PTGR1: variants seen among roughly 807,000 people sequenced by gnomAD.
PTGR1 encodes 15-oxoprostaglandin 13-reductase.
In PTGR1, 23 loss-of-function variants were observed where a neutral mutation model predicts 37.7. The observed-to-expected ratio is 0.61, with a 90% CI of 0.44 to 0.86. PTGR1 has a LOEUF of 0.86. Ranked by LOEUF, PTGR1 falls within the 40% of genes least tolerant of loss-of-function variation. The pLI, the probability that PTGR1 is intolerant of heterozygous loss-of-function variation, is 0.00. For synonymous variants in PTGR1, 134 were observed against 140.0 expected (o/e 0.96, Z 0.30); for missense variants, 351 against 394.3 (o/e 0.89, Z 0.93).
intron 9 of PTGR1, among the ~76,000 whole-genome samples, chr9:111,556,915 G>T (rs1391142625): frequency 6.6e-6 from 1 of 152,210 alleles, no homozygotes; most frequent in Non-Finnish European, 1.5e-5. Context: ...GATAGCCGTG[G>T]CTGGAGCTGG....
At chr9:111,596,412 C>G (rs1829781370) in intron 2 of PTGR1, among the ~76,000 whole-genome samples, 1 of 151,734 alleles carries the variant, frequency 6.6e-6, no homozygotes. Context: ...GTCAGGAGTT[C>G]AAGACCAGCC....
At chr9:111,569,625 C>T (rs777050960) in intron 9 of PTGR1, among the ~76,000 whole-genome samples, 1 of 152,092 alleles carries the variant, frequency 6.6e-6, no homozygotes, top group Non-Finnish European at 1.5e-5. Flanking sequence ...GTTAGCTGGG[C>T]GTGGTGGTAC....
At chr9:111,590,891 C>G (rs988436457) in intron 4 of PTGR1, among the ~76,000 whole-genome samples, 2 of 152,106 alleles carry the variant, frequency 1.3e-5, no homozygotes, top group Non-Finnish European at 2.9e-5. Context: ...TTAAAAATAA[C>G]TTGCAGCTAT....
At chr9:111,583,145 T>C (rs1337276620) in intron 6 of PTGR1, among the ~76,000 whole-genome samples, 1 of 152,258 alleles carries the variant, frequency 6.6e-6, no homozygotes, top group African/African-American at 2.4e-5. Flanking sequence ...AAGTCCCTTC[T>C]TCTATTGCTA....
At chr9:111,558,381 G>T (rs946904596), downstream of PTGR1, among the ~76,000 whole-genome samples, 47 of 151,822 alleles carry the variant, frequency 3.1e-4, 1 homozygote, top group African/African-American at 1.1e-3. Context: ...TTGATTTATG[G>T]TATAAGATGC....
At chr9:111,597,542 A>G (rs1248297372) in intron 1 of PTGR1, 110 bp from the exon 2 acceptor site, 20 of 643,774 alleles carry the variant, frequency 3.1e-5, no homozygotes, top group Non-Finnish European at 2.7e-6. Context: ...CTCAAATCCC[A>G]TCATTATCAT....
At chr9:111,560,082 A>G (rs1828230095), downstream of PTGR1, among the ~76,000 whole-genome samples, 1 of 150,198 alleles carries the variant, frequency 6.7e-6, no homozygotes, top group Non-Finnish European at 1.5e-5. Flanking sequence ...ATGCCTCCCA[A>G]AGTGCCTCAT....
chr9:111,560,552 A>G (rs1375210307), downstream of PTGR1, among the ~76,000 whole-genome samples: 1 of 145,436 alleles, frequency 6.9e-6, no homozygotes, highest in Non-Finnish European at 1.5e-5. Flanking sequence ...GAGGCAGGAG[A>G]ATTGCTTGAA....
intron 4 of PTGR1, among the ~76,000 whole-genome samples, chr9:111,586,646 A>C: frequency 6.6e-6 from 1 of 150,958 alleles, no homozygotes; most frequent in African/African-American, 2.4e-5. Context: ...TTTCAGCCAA[A>C]CTTCTTCACT....
intron 6 of PTGR1, among the ~76,000 whole-genome samples, chr9:111,582,874 G>T (rs1002715866): frequency 6.6e-6 from 1 of 152,220 alleles, no homozygotes; most frequent in African/African-American, 2.4e-5. Context: ...GATCAGTTGA[G>T]CCAGATCACC....
At position 111,594,226 on chromosome 9, in the gene PTGR1, T is replaced by C. The variant is rs1829708466; in HGVS notation, c.148A>G (p.Met50Val). ...GAGGGGCGAAATAAATAATACCTCATGTAGGGATCCACGGTGAGGAACAAA... is the reference window on the plus strand; with the variant it reads ...GAGGGGCGAAATAAATAATACCTCACGTAGGGATCCACGGTGAGGAACAAA... ...EALFLTVDPYMRVAAKRLKEG... is the reference protein window; with the variant it reads ...EALFLTVDPYVRVAAKRLKEG... Residue 50 changes from methionine to valine, a missense_variant, in exon 3 of 10, where the codon ATG becomes GTG. Coordinates refer to ENST00000407693, the MANE Select transcript of PTGR1 (RefSeq NM_001146108.2). 1 of 1,612,706 alleles carries C rather than the reference T, an allele frequency of 6.2e-7. No individual in the cohort carries two copies. Among genetic ancestry groups the C allele is most frequent in the African/African-American group, 1.3e-5 (1 of 74,886 alleles).
intron 5 of PTGR1, 135 bp from the exon 6 acceptor site, chr9:111,583,724 A>G (rs1829349972): frequency 3.0e-6 from 2 of 672,056 alleles, no homozygotes; most frequent in South Asian, 1.8e-5. Context: ...GGAAATAAAT[A>G]TTGCCAGCCA....
At chr9:111,566,375 T>C (rs1169501324) in intron 9 of PTGR1, among the ~76,000 whole-genome samples, 1 of 152,188 alleles carries the variant, frequency 6.6e-6, no homozygotes, top group Non-Finnish European at 1.5e-5. Flanking sequence ...AGCTCCCTGG[T>C]GACAGCCCAG....
chr9:111,560,471 C>A (rs10980944), downstream of PTGR1, among the ~76,000 whole-genome samples: 1 of 100,542 alleles, frequency 9.9e-6, no homozygotes. Context: ...GAGACTCCAT[C>A]TCAAAAAAAA....
intron 7 of PTGR1, chr9:111,576,580 C>A: frequency 1.5e-6 from 1 of 687,584 alleles, no homozygotes; most frequent in Non-Finnish European, 2.3e-6. Context: ...AGTTACTTAA[C>A]ACTTCTGAAC....
intron 7 of PTGR1, chr9:111,576,537 T>TG: frequency 1.5e-6 from 2 of 1,333,858 alleles, no homozygotes; most frequent in East Asian, 2.3e-5. Context: ...ATCCCAACTC[T>TG]GGGGGTATTA....
intron 4 of PTGR1, among the ~76,000 whole-genome samples, chr9:111,592,060 C>T (rs1026320676): frequency 2.6e-5 from 4 of 152,154 alleles, no homozygotes; most frequent in East Asian, 1.9e-4. Context: ...TATAAATGGA[C>T]GCATGTGGGG....
At position 111,597,370 on chromosome 9, in the gene PTGR1, G is replaced by A. The variant is rs773194828; in HGVS notation, c.53C>T (p.Thr18Ile). ...TLKKHFVGYP[T>I]NSDFELKTAE... ...TGTCTTCAACTCAAAGTCACTATTA[G>A]TAGGATAGCCAACAAAGTGCTTCTT... The change falls in exon 2 of 10, where the codon ACT becomes ATT. Residue 18 changes from threonine (T) to isoleucine (I), a missense_variant. By Grantham distance (89) the Thr-to-Ile change is moderately conservative (BLOSUM62 -1). Coordinates refer to ENST00000407693, the MANE Select transcript of PTGR1 (RefSeq NM_001146108.2). 6.2e-7 allele frequency: 1 copy of A among 1,613,632 alleles called. No homozygotes were observed. The highest frequency in any genetic ancestry group is 8.5e-7 in the Non-Finnish European group (1 of 1,179,816).
intron 9 of PTGR1, among the ~76,000 whole-genome samples, chr9:111,556,178 T>C (rs1019444554): frequency 2.0e-5 from 3 of 152,244 alleles, no homozygotes; most frequent in East Asian, 1.9e-4. Context: ...TTAAATCTTA[T>C]AGCTCCATAA....
Sources: allele counts gnomAD v4.1 joint callset (sites outside exome capture counted in the v4.1 genomes callset), GRCh38; gene constraint gnomAD v4.1.1; transcripts MANE v1.5; gene names NCBI Gene and HGNC (gene_info 2026-07-23, HGNC 2026-07-21).